The following AKAP9 variants were observed in gnomAD, a reference collection of about 807,000 sequenced individuals.
AKAP9 encodes the protein A-kinase anchoring protein 9, also known as A-kinase anchor protein 9.
A neutral mutation model predicts 488.5 loss-of-function variants in AKAP9; 311 were observed. The observed-to-expected ratio is 0.64, with a 90% CI of 0.58 to 0.70. The LOEUF (loss-of-function observed/expected upper bound fraction) is 0.70. Among genes scored for constraint, AKAP9 ranks in the 30% least tolerant of loss-of-function variants. The probability of loss-of-function intolerance (pLI) is 0.00; values close to 1 mark genes in which losing one functional copy is unlikely to be tolerated. For synonymous variants in AKAP9, 1,462 were observed against 1,483.5 expected (o/e 0.99, Z 0.33); for missense variants, 4,215 against 4,374.5 (o/e 0.96, Z 1.03).
chr7:92,088,302 A>G (rs1814953906), intron 37 of AKAP9, among the ~76,000 whole-genome samples: 1 of 152,184 alleles, frequency 6.6e-6, no homozygotes, highest in Admixed American at 6.5e-5. Context: ...TTGGGGAAAT[A>G]TCAGACCAAA....
intron 21 of AKAP9, among the ~76,000 whole-genome samples, chr7:92,046,842 G>T (rs1322918746): frequency 1.3e-5 from 2 of 152,134 alleles, no homozygotes; most frequent in Non-Finnish European, 2.9e-5. Context: ...CTGTTCTGCT[G>T]GTAAGACCTA....
intron 1 of AKAP9, among the ~76,000 whole-genome samples, chr7:91,962,045 AT>A (rs759339007): frequency 7.2e-5 from 11 of 152,188 alleles, no homozygotes; most frequent in Non-Finnish European, 1.2e-4. Flanking sequence ...TGGCTTCCAA[AT>A]AACAAACACA....
At chr7:92,067,206 A>G (rs1027349102) in intron 26 of AKAP9, among the ~76,000 whole-genome samples, 9 of 152,274 alleles carry the variant, frequency 5.9e-5, no homozygotes, top group African/African-American at 1.4e-4. Flanking sequence ...CCAGGCAGTC[A>G]TATATAAATG....
intron 14 of AKAP9, among the ~76,000 whole-genome samples, chr7:92,023,638 A>G (rs909133695): frequency 1.3e-5 from 2 of 152,156 alleles, no homozygotes; most frequent in African/African-American, 4.8e-5. Context: ...ACTCCCCCCT[A>G]AAGTCTGTTC....
At chr7:91,980,796 G>C (rs999656981) in intron 3 of AKAP9, among the ~76,000 whole-genome samples, 1 of 151,818 alleles carries the variant, frequency 6.6e-6, no homozygotes, top group Non-Finnish European at 1.5e-5. Flanking sequence ...TAAAGGTATT[G>C]TCCACTTTAG....
chr7:92,008,584 G>C (rs893424367), intron 8 of AKAP9, among the ~76,000 whole-genome samples: 1 of 149,040 alleles, frequency 6.7e-6, no homozygotes, highest in Non-Finnish European at 1.5e-5. Context: ...CTACTCATGG[G>C]GGCTGAGGCA....
intron 9 of AKAP9, among the ~76,000 whole-genome samples, chr7:92,013,347 A>G (rs1015219676): frequency 2.6e-5 from 4 of 152,040 alleles, no homozygotes; most frequent in African/African-American, 9.7e-5. Flanking sequence ...GTAAGGGTAC[A>G]CCCATTTTGG....
intron 12 of AKAP9, among the ~76,000 whole-genome samples, chr7:92,018,525 C>G (rs183424319): frequency 7.0e-4 from 106 of 152,092 alleles, no homozygotes; most frequent in Middle Eastern, 3.4e-3. Flanking sequence ...GTTTTGTCCC[C>G]AAAAGAGCAC....
chr7:91,952,349 G>T (rs1426748121), intron 1 of AKAP9, among the ~76,000 whole-genome samples: 1 of 152,178 alleles, frequency 6.6e-6, no homozygotes, highest in African/African-American at 2.4e-5. Flanking sequence ...GAGAGACATG[G>T]ACTCTGCCAA....
At chr7:92,008,074 T>G (rs1800161580) in intron 8 of AKAP9, among the ~76,000 whole-genome samples, 1 of 152,170 alleles carries the variant, frequency 6.6e-6, no homozygotes, top group Admixed American at 6.5e-5. Context: ...AGTTTATTAT[T>G]TGAAAACACT....
intron 12 of AKAP9, among the ~76,000 whole-genome samples, chr7:92,021,552 C>T (rs2130728674): frequency 6.6e-6 from 1 of 152,248 alleles, no homozygotes; most frequent in African/African-American, 2.4e-5. Flanking sequence ...AATTCACCCG[C>T]CTCAGCCCCT....
At position 92,057,667 on chromosome 7, in the gene AKAP9, G is replaced by A. The variant is rs1809024140; in HGVS notation, c.5602-3593G>A. The A allele has an allele frequency of 2.8e-5, 6 of 213,558 alleles. No individual in the cohort carries two copies. In the South Asian group the frequency reaches 1.1e-3, roughly 40 times the overall value. The allele number at this position is 213,558 out of a possible 1,614,324, so 13.2% of individuals were successfully genotyped here. On this transcript the variant is annotated intron_variant, in intron 22 of 49. Coordinates refer to ENST00000356239, the MANE Select transcript of AKAP9 (RefSeq NM_005751.5). ...AAGCAGCAAGAGCAAGAGAAATAAT[G>A]TTACAACTGCATTTCTCAAGACTGC...
At chr7:92,078,994 T>TACA in intron 30 of AKAP9, 85 bp from the exon 31 acceptor site, 1 of 828,552 alleles carries the variant, frequency 1.2e-6, no homozygotes, top group East Asian at 2.7e-5. Context: ...ATCATCTCTT[T>TACA]GAGGTACTGC....
At chr7:92,046,769 T>C (rs1375004605) in intron 21 of AKAP9, among the ~76,000 whole-genome samples, 3 of 152,232 alleles carry the variant, frequency 2.0e-5, no homozygotes, top group Admixed American at 6.5e-5. Context: ...TATCAAATTA[T>C]GCTTTTTAAA....
chr7:91,973,122 C>T (rs1795288528), intron 1 of AKAP9, among the ~76,000 whole-genome samples: 2 of 152,160 alleles, frequency 1.3e-5, no homozygotes, highest in South Asian at 2.1e-4. Context: ...CGTCTGTAAT[C>T]CCAGTATTTT....
In AKAP9 at chr7:92,083,344, G is replaced by C; in HGVS notation, c.8335G>C (p.Ala2779Pro). 1 of 1,614,040 alleles carries C rather than the reference G, an allele frequency of 6.2e-7. No homozygotes were observed. The highest frequency in any genetic ancestry group is 8.5e-7 in the Non-Finnish European group (1 of 1,180,012). ...TCCTATAAAACTGAGTAAGAGCATT[G>C]CATCCCAGACAGATGGGACTCTGAA... is the stretch of plus-strand genomic sequence containing the variant. ...PLPIKLSKSI[A>P]SQTDGTLKIS... The change falls in exon 33 of 50, where the codon GCA becomes CCA. Residue 2779 changes from alanine (A) to proline (P), a missense_variant. Coordinates refer to ENST00000356239, the MANE Select transcript of AKAP9 (RefSeq NM_005751.5).
chr7:92,064,612 C>T (rs1810460338), intron 24 of AKAP9, among the ~76,000 whole-genome samples: 1 of 152,292 alleles, frequency 6.6e-6, no homozygotes, highest in Non-Finnish European at 1.5e-5. Flanking sequence ...TTAAGCACTA[C>T]ACCACACTAC....
intron 1 of AKAP9, among the ~76,000 whole-genome samples, chr7:91,949,177 C>G (rs571988336): frequency 1.3e-5 from 2 of 151,660 alleles, no homozygotes; most frequent in Middle Eastern, 3.4e-3. Context: ...ATATCCTTTC[C>G]GTATGTGTGG....
chr7:92,083,563 AC>A lies in AKAP9; in HGVS notation c.8556del (p.Leu2853Ter). 2 of 1,601,100 alleles carry A rather than the reference AC, an allele frequency of 1.2e-6. No homozygotes were observed. Among genetic ancestry groups the A allele is most frequent in the Non-Finnish European group, 1.7e-6 (2 of 1,174,634 alleles). On this transcript the variant is annotated frameshift_variant, in exon 33 of 50. Transcript: ENST00000356239. LOFTEE classifies it high-confidence loss of function. ...ATCCAGACATATTTCAGAAACTGAA[AC>A]CTTAAAGAGGGAACACTATGTTGCC... ...MESRHISETE[T>X]LKREHYVAVQ...
Sources: allele counts gnomAD v4.1 joint callset (sites outside exome capture counted in the v4.1 genomes callset), GRCh38; gene constraint gnomAD v4.1.1; transcripts MANE v1.5; gene names NCBI Gene and HGNC (gene_info 2026-07-23, HGNC 2026-07-21).